The following ROCK1 variants were observed in gnomAD, a reference collection of about 807,000 sequenced individuals.
ROCK1 encodes the protein Rho associated coiled-coil containing protein kinase 1.
Under a neutral mutation model 196.8 loss-of-function variants are expected in ROCK1, and 36 were observed. The ratio of observed to expected loss-of-function variants is 0.18; its 90% CI spans 0.14 to 0.24. The LOEUF (loss-of-function observed/expected upper bound fraction) is 0.24, where lower values mean the gene tolerates loss of function less well. Ranked by LOEUF, ROCK1 falls within the 10% of genes least tolerant of loss-of-function variation. ROCK1 has a pLI of 1.00. For synonymous variants in ROCK1, 443 were observed against 515.9 expected, an observed-to-expected ratio of 0.86 and a Z score of 1.91; for missense variants, 920 against 1,562.0, an observed-to-expected ratio of 0.59 and a Z score of 6.93.
In ROCK1 at chr18:20,968,873, T is replaced by C; in HGVS notation, c.2915-13A>G. On this transcript the variant is annotated splice_polypyrimidine_tract_variant and intron_variant, in intron 24 of 32. Coordinates refer to ENST00000399799, the MANE Select transcript of ROCK1 (RefSeq NM_005406.3). ...TCCAGTTTATATTCTGTCAACAAAT[T>C]ATATTAAATGTTATTGTATGGTATT... 1 of 1,475,818 alleles carries C rather than the reference T, an allele frequency of 6.8e-7. No homozygotes were observed. Among genetic ancestry groups the C allele is most frequent in the South Asian group, 1.1e-5 (1 of 87,586 alleles). 91.4% of individuals were successfully genotyped at this position (1,475,818 alleles called of 1,614,324 possible). A position where few individuals can be genotyped will look rare whatever the true frequency, so the allele number is the denominator to read the frequency against.
chr18:20,962,379 G>GT lies in ROCK1; in HGVS notation c.3353-2174dup, dbSNP rs1054245262. On this transcript the variant is annotated intron_variant, in intron 27 of 32. Transcript: ENST00000399799. Reference sequence around the variant, plus strand: ...GAGTCTTAATATCTGATAATACAAAGTTGTTTAGTATTAGTAATTCCTCAC... The same window carrying GT: ...GAGTCTTAATATCTGATAATACAAAGTTTGTTTAGTATTAGTAATTCCTCAC... Among the ~76,000 whole-genome samples the GT allele has an allele frequency of 1.6e-3, 241 of 152,210 alleles. 1 individual carries two copies. Among genetic ancestry groups the GT allele is most frequent in the African/African-American group, 5.6e-3 (232 of 41,540 alleles).
intron 11 of ROCK1, among the ~76,000 whole-genome samples, chr18:21,022,383 G>A (rs759199896): frequency 9.9e-5 from 15 of 151,994 alleles, no homozygotes; most frequent in Non-Finnish European, 2.2e-4. Context: ...ACTTCTCAGT[G>A]GACAAATTAA....
chr18:21,056,700 C>G (rs969048019), intron 2 of ROCK1, among the ~76,000 whole-genome samples: 1 of 152,196 alleles, frequency 6.6e-6, no homozygotes, highest in Admixed American at 6.5e-5. Flanking sequence ...AGAGCAAAAG[C>G]CCAAGATTTT....
At position 21,044,092 on chromosome 18, in the gene ROCK1, GTTAA is replaced by G. The variant is rs755444719; in HGVS notation, c.675+6_675+9del. ...TTAGCAAAAACTAAATTAAAATCTA[GTTAA>G]TTAACCTTATTCATCTTCATACAAG... On this transcript the variant is annotated splice_donor_region_variant and intron_variant, in intron 6 of 32. Transcript: ENST00000399799. 1 of 1,522,380 alleles carries G rather than the reference GTTAA, an allele frequency of 6.6e-7. No individual in the cohort carries two copies. The highest frequency in any genetic ancestry group is 9.1e-7 in the Non-Finnish European group (1 of 1,104,752). The allele number at this position is 1,522,380 out of a possible 1,614,324, so 94.3% of individuals were successfully genotyped here. A position where few individuals can be genotyped will look rare whatever the true frequency, so the allele number is the denominator to read the frequency against.
chr18:20,959,941 A>C lies in ROCK1; in HGVS notation c.3424-13T>G. ...TTACCACAACATACTGAAATAAGAAAAAGGGGGGAAGAGTTACAAGAGCAA... is the reference window on the plus strand; with the variant it reads ...TTACCACAACATACTGAAATAAGAACAAGGGGGGAAGAGTTACAAGAGCAA... On this transcript the variant is annotated splice_polypyrimidine_tract_variant and intron_variant, in intron 28 of 32. Coordinates refer to ENST00000399799, the MANE Select transcript of ROCK1 (RefSeq NM_005406.3). 1 of 1,515,562 alleles carries C rather than the reference A, an allele frequency of 6.6e-7. No homozygotes were observed. The highest frequency in any genetic ancestry group is 1.2e-5 in the South Asian group (1 of 86,926). The allele number at this position is 1,515,562 out of a possible 1,614,324, so 93.9% of individuals were successfully genotyped here.
intron 2 of ROCK1, among the ~76,000 whole-genome samples, chr18:21,058,515 G>A (rs1299373330): frequency 6.6e-6 from 1 of 152,170 alleles, no homozygotes; most frequent in Non-Finnish European, 1.5e-5. Flanking sequence ...TTTTAGAGTA[G>A]TGAAAGCAGC....
In ROCK1 at chr18:20,947,462, C is replaced by T. The variant is rs1177716015; in HGVS notation, c.*3922G>A. ...AATATATCTAGGCCATTGAGCATGG[C>T]TTTATATATACATACTATCCAACCA... On this transcript the variant is annotated 3_prime_UTR_variant, in exon 33 of 33. Transcript: ENST00000399799. The T allele has an allele frequency of 6.6e-6, 1 of 152,018 alleles. No individual in the cohort carries two copies. The highest frequency in any genetic ancestry group is 1.5e-5 in the Non-Finnish European group (1 of 68,014). The allele number at this position is 152,018 out of a possible 1,614,324, so 9.4% of individuals were successfully genotyped here. A position where few individuals can be genotyped will look rare whatever the true frequency, so the allele number is the denominator to read the frequency against.
At chr18:21,028,378 T>G (rs1317850602) in intron 10 of ROCK1, among the ~76,000 whole-genome samples, 2 of 151,868 alleles carry the variant, frequency 1.3e-5, no homozygotes, top group African/African-American at 2.4e-5. Flanking sequence ...ATTGTGCCAC[T>G]GCACTCCAGC....
chr18:20,968,811 A>G lies in ROCK1; in HGVS notation c.2964T>C (p.Phe988=). The change falls in exon 25 of 33, where the codon TTT becomes TTC. Residue 988 remains phenylalanine, a synonymous_variant. Transcript: ENST00000399799. ...TTCGTTCAGTGTTGATATTCTTTTC[A>G]AAGGCAGCCTTAAGATTACTGATCT... The part of the protein sequence containing the change: ...EEEISNLKAA[F]EKNINTERTL... The G allele has an allele frequency of 6.2e-7, 1 of 1,610,024 alleles. No homozygotes were observed. The highest frequency in any genetic ancestry group is 8.5e-7 in the Non-Finnish European group (1 of 1,176,292).
chr18:21,093,907 G>C (rs2036591394), intron 1 of ROCK1, among the ~76,000 whole-genome samples: 1 of 150,330 alleles, frequency 6.7e-6, no homozygotes, highest in Admixed American at 6.6e-5. Flanking sequence ...AGTGAGCCGA[G>C]ATCATGCCAC....
intron 16 of ROCK1, among the ~76,000 whole-genome samples, chr18:21,006,139 A>G (rs774883198): frequency 1.3e-5 from 2 of 152,228 alleles, no homozygotes; most frequent in Admixed American, 1.3e-4. Flanking sequence ...AAAATCTGAC[A>G]CACACAACAT....
At chr18:21,030,876 A>C (rs1265921935) in intron 9 of ROCK1, among the ~76,000 whole-genome samples, 1 of 152,208 alleles carries the variant, frequency 6.6e-6, no homozygotes, top group African/African-American at 2.4e-5. Context: ...CCACTGAAGC[A>C]ACCATTGAGT....
At chr18:21,015,153 G>A (rs2035852249) in intron 13 of ROCK1, among the ~76,000 whole-genome samples, 1 of 151,858 alleles carries the variant, frequency 6.6e-6, no homozygotes, top group African/African-American at 2.4e-5. Context: ...TTGCTTCTCT[G>A]GCTCCTTTCT....
intron 2 of ROCK1, among the ~76,000 whole-genome samples, chr18:21,058,147 T>C (rs974031059): frequency 1.3e-5 from 2 of 152,220 alleles, no homozygotes; most frequent in African/African-American, 4.8e-5. Context: ...TGGATTTTTT[T>C]AAAGGCCAGA....
At chr18:20,999,565 GAAT>G (rs1212502549) in intron 16 of ROCK1, among the ~76,000 whole-genome samples, 2 of 151,842 alleles carry the variant, frequency 1.3e-5, no homozygotes, top group African/African-American at 2.4e-5. Context: ...GCATCAAAAA[GAAT>G]AAAATACCCA....
At chr18:20,971,981 T>G (rs1343473582) in intron 22 of ROCK1, among the ~76,000 whole-genome samples, 1 of 152,160 alleles carries the variant, frequency 6.6e-6, no homozygotes, top group Non-Finnish European at 1.5e-5. Flanking sequence ...GGACTTTGAC[T>G]TTTATTCTGG....
intron 2 of ROCK1, among the ~76,000 whole-genome samples, chr18:21,065,136 A>T (rs541037463): frequency 9.2e-5 from 14 of 152,284 alleles, no homozygotes; most frequent in African/African-American, 3.4e-4. Flanking sequence ...AAGTGAACTG[A>T]ATGCTTTGTC....
intron 2 of ROCK1, among the ~76,000 whole-genome samples, chr18:21,057,169 A>T (rs1034714041): frequency 3.9e-5 from 6 of 152,252 alleles, no homozygotes; most frequent in African/African-American, 1.4e-4. Context: ...GGATGTTGTG[A>T]CCATCTAGAC....
intron 2 of ROCK1, among the ~76,000 whole-genome samples, chr18:21,052,972 CTG>C (rs996135250): frequency 2.0e-5 from 3 of 152,180 alleles, no homozygotes; most frequent in African/African-American, 7.2e-5. Flanking sequence ...TTTCCCAAGT[CTG>C]TAAGGGGAGA....
Sources: gnomAD v4.1 joint callset for allele counts (sites outside exome capture counted in the v4.1 genomes callset) on GRCh38, gnomAD v4.1.1 for gene constraint, MANE v1.5 for transcripts, NCBI Gene and HGNC (gene_info 2026-07-23, HGNC 2026-07-21) for gene names.